LRMDA: variants seen among roughly 807,000 people sequenced by gnomAD.
LRMDA encodes leucine-rich melanocyte differentiation-associated protein.
In LRMDA, 18 loss-of-function variants were observed where a neutral mutation model predicts 29.8. The observed-to-expected ratio is 0.60, with a 90% CI of 0.42 to 0.90. The LOEUF is 0.90. Among genes scored for constraint, LRMDA ranks in the 40% least tolerant of loss-of-function variants. The pLI is 0.00. For synonymous variants in LRMDA, 125 were observed against 109.4 expected, an observed-to-expected ratio of 1.14 and a Z score of -0.89; for missense variants, 273 against 273.9, an observed-to-expected ratio of 1.00 and a Z score of 0.02.
At chr10:76,356,508 AT>A (rs200177977) in intron 6 of LRMDA, among the ~76,000 whole-genome samples, 3 of 151,628 alleles carry the variant, frequency 2.0e-5, no homozygotes, top group South Asian at 4.2e-4. Flanking sequence ...AGAAAACCGT[AT>A]TTTTTTTTAA....
chr10:75,712,836 A>G (rs913466716), intron 2 of LRMDA, among the ~76,000 whole-genome samples: 1 of 145,536 alleles, frequency 6.9e-6, no homozygotes, highest in Non-Finnish European at 1.5e-5. Flanking sequence ...ACTGACACTC[A>G]TTTAATTCAA....
At chr10:75,830,190 G>T (rs934962969) in intron 2 of LRMDA, among the ~76,000 whole-genome samples, 18 of 152,222 alleles carry the variant, frequency 1.2e-4, no homozygotes, top group African/African-American at 4.3e-4. Context: ...GAGCAAAATG[G>T]CCTGTGTGAA....
intron 5 of LRMDA, among the ~76,000 whole-genome samples, chr10:76,320,992 A>G (rs1001535762): frequency 2.6e-5 from 4 of 152,218 alleles, no homozygotes; most frequent in African/African-American, 4.8e-5. Flanking sequence ...TTTTAGACCT[A>G]TTCAAAGCAA....
intron 2 of LRMDA, among the ~76,000 whole-genome samples, chr10:75,743,161 G>A (rs1842850573): frequency 1.3e-5 from 2 of 152,090 alleles, no homozygotes; most frequent in Admixed American, 1.3e-4. Context: ...GGAAGGATGG[G>A]TTGGGTGAAC....
intron 2 of LRMDA, among the ~76,000 whole-genome samples, chr10:75,449,107 G>A (rs1002870719): frequency 2.7e-5 from 4 of 148,680 alleles, no homozygotes; most frequent in South Asian, 2.1e-4. Context: ...AGCCAAGATC[G>A]TGCCACTGCA....
intron 6 of LRMDA, among the ~76,000 whole-genome samples, chr10:76,336,480 C>T (rs1840970424): frequency 6.6e-6 from 1 of 152,184 alleles, no homozygotes; most frequent in African/African-American, 2.4e-5. Flanking sequence ...TTTGTAGCTT[C>T]CTTAGTCTGT....
chr10:76,502,761 G>A (rs1159084866), intron 6 of LRMDA, among the ~76,000 whole-genome samples: 3 of 142,996 alleles, frequency 2.1e-5, no homozygotes, highest in Non-Finnish European at 4.6e-5. Flanking sequence ...TTTTTTTTTT[G>A]CTAAAGTGGT....
chr10:75,638,039 C>CT (rs1019089811), intron 2 of LRMDA, among the ~76,000 whole-genome samples: 11 of 151,780 alleles, frequency 7.2e-5, no homozygotes, highest in South Asian at 2.1e-4. Flanking sequence ...GTTTCCAAAT[C>CT]TTTTTTTTTC....
At chr10:75,942,817 A>T (rs1286855300) in intron 2 of LRMDA, among the ~76,000 whole-genome samples, 1 of 152,158 alleles carries the variant, frequency 6.6e-6, no homozygotes, top group Non-Finnish European at 1.5e-5. Context: ...TGGCAATTGA[A>T]GGATCACAGA....
chr10:76,153,575 A>G (rs1280781015), intron 5 of LRMDA, among the ~76,000 whole-genome samples: 4 of 152,202 alleles, frequency 2.6e-5, no homozygotes, highest in Non-Finnish European at 5.9e-5. Context: ...AAGAGACTGG[A>G]GAGTGGGCAT....
rs188183813 is a variant in LRMDA at position 75,957,895 on chromosome 10, G to C, written c.132-78113G>C. The stretch of plus-strand genomic sequence containing the variant: ...GTATATGTAATAAATAGCTGTGCTC[G>C]GGTTTGACCTCTCCCTTACCAGACA... On this transcript the variant is annotated intron_variant, in intron 2 of 6. Coordinates refer to ENST00000611255, the MANE Select transcript of LRMDA (RefSeq NM_001305581.2). Among the ~76,000 whole-genome samples, 5 of 152,234 alleles carry C rather than the reference G, an allele frequency of 3.3e-5. 1 individual carries two copies. The South Asian group carries it at 1.0e-3, about 32-fold the overall frequency.
At chr10:76,211,367 A>G (rs10824385) in intron 5 of LRMDA, among the ~76,000 whole-genome samples, 42,550 of 152,046 alleles carry the variant, frequency 0.28, 6,933 homozygotes, top group East Asian at 0.6. Context: ...TAGATAATCA[A>G]TTTCTCAAAT....
chr10:75,805,341 G>A (rs1044205393), intron 2 of LRMDA, among the ~76,000 whole-genome samples: 4 of 152,208 alleles, frequency 2.6e-5, no homozygotes, highest in South Asian at 2.1e-4. Flanking sequence ...GGAGTGCTTC[G>A]TGTGTGCTGC....
intron 5 of LRMDA, among the ~76,000 whole-genome samples, chr10:76,144,032 T>A (rs1234684546): frequency 6.6e-6 from 1 of 152,190 alleles, no homozygotes; most frequent in Non-Finnish European, 1.5e-5. Flanking sequence ...GAGGGCTGTG[T>A]TCTGTTCTAT....
intron 2 of LRMDA, among the ~76,000 whole-genome samples, chr10:75,850,289 G>T (rs1293806111): frequency 1.3e-5 from 2 of 152,164 alleles, no homozygotes; most frequent in Admixed American, 1.3e-4. Flanking sequence ...TTTTATTTGA[G>T]ATTTTTAAAA....
intron 2 of LRMDA, among the ~76,000 whole-genome samples, chr10:75,588,416 G>A (rs1390852741): frequency 6.6e-6 from 1 of 152,204 alleles, no homozygotes; most frequent in East Asian, 1.9e-4. Flanking sequence ...GGTTGTATAT[G>A]TTAAGTTGTG....
At chr10:76,111,314 C>A (rs968186839) in intron 5 of LRMDA, among the ~76,000 whole-genome samples, 1 of 152,200 alleles carries the variant, frequency 6.6e-6, no homozygotes, top group African/African-American at 2.4e-5. Flanking sequence ...CTTTTTTGCT[C>A]ATCATTGATA....
chr10:76,354,637 G>T (rs1841217046), intron 6 of LRMDA, among the ~76,000 whole-genome samples: 1 of 151,902 alleles, frequency 6.6e-6, no homozygotes, highest in Admixed American at 6.6e-5. Context: ...TGAAATGAGT[G>T]GTAAAAATAG....
intron 5 of LRMDA, among the ~76,000 whole-genome samples, chr10:76,132,771 C>T: frequency 6.6e-6 from 1 of 152,006 alleles, no homozygotes; most frequent in East Asian, 1.9e-4. Context: ...ATTCATCATT[C>T]TGATTCTCAG....
Sources: gnomAD v4.1 joint callset for allele counts (sites outside exome capture counted in the v4.1 genomes callset) on GRCh38, gnomAD v4.1.1 for gene constraint, MANE v1.5 for transcripts, NCBI Gene and HGNC (gene_info 2026-07-23, HGNC 2026-07-21) for gene names.